Variants in INTS4 observed in about 807,000 individuals in gnomAD.
INTS4 encodes MSTP093.
In INTS4, 70 loss-of-function variants were observed where a neutral mutation model predicts 119.5. The ratio of observed to expected loss-of-function variants is 0.59; its 90% CI spans 0.48 to 0.71. The LOEUF is 0.71. Among genes scored for constraint, INTS4 ranks in the 30% least tolerant of loss-of-function variants. The pLI is 0.00. For missense variants in INTS4, 867 were observed against 1,173.2 expected, an observed-to-expected ratio of 0.74 and a Z score of 3.81; for synonymous variants, 316 against 419.6, an observed-to-expected ratio of 0.75 and a Z score of 3.02.
intron 2 of INTS4, among the ~76,000 whole-genome samples, chr11:77,984,653 C>T (rs766974991): frequency 6.6e-6 from 1 of 151,852 alleles, no homozygotes; most frequent in African/African-American, 2.4e-5. Flanking sequence ...TATGAATGTA[C>T]TTAACACACA....
intron 4 of INTS4, among the ~76,000 whole-genome samples, chr11:77,973,397 T>A (rs1460843612): frequency 6.6e-6 from 1 of 152,188 alleles, no homozygotes; most frequent in Non-Finnish European, 1.5e-5. Flanking sequence ...AGAGGACTTT[T>A]ATTTCTTTTC....
chr11:77,900,617 C>A (rs1473190528), intron 18 of INTS4: 1 of 699,570 alleles, frequency 1.4e-6, no homozygotes, highest in Non-Finnish European at 2.6e-6. Flanking sequence ...CAATGAGTCA[C>A]CTAAGTACTT....
chr11:77,903,209 T>C (rs552022867), intron 17 of INTS4, among the ~76,000 whole-genome samples: 2 of 152,370 alleles, frequency 1.3e-5, no homozygotes, highest in East Asian at 1.9e-4. Context: ...CTCCTAGTTA[T>C]GCTCCTTCTC....
chr11:77,912,147 A>G (rs991776250), intron 15 of INTS4, among the ~76,000 whole-genome samples: 10 of 152,102 alleles, frequency 6.6e-5, no homozygotes, highest in South Asian at 2.1e-4. Flanking sequence ...GGATTGCCTG[A>G]GCTCAGGAGT....
rs112710281 is a variant in INTS4 at position 77,884,911 on chromosome 11, C to T, written c.2593-959G>A. ...TGGGGATTACAGGCACGTGCCACCACGCCAGGTAATTTTCTTTTTAAATTT... is the reference window on the plus strand; with the variant it reads ...TGGGGATTACAGGCACGTGCCACCATGCCAGGTAATTTTCTTTTTAAATTT... On this transcript the variant is annotated intron_variant, in intron 21 of 22. Transcript: ENST00000534064. 7.4e-3 allele frequency: 1,704 copies of T among 231,528 alleles called. 32 individuals are homozygous for T. The highest frequency in any genetic ancestry group is 0.033 in the African/African-American group (1,472 of 44,510). 14.3% of individuals were successfully genotyped at this position (231,528 alleles called of 1,614,324 possible).
intron 4 of INTS4, among the ~76,000 whole-genome samples, chr11:77,973,553 G>A (rs1855816670): frequency 6.8e-6 from 1 of 147,312 alleles, no homozygotes; most frequent in South Asian, 2.2e-4. Flanking sequence ...TGTCAGTTTT[G>A]TTTTTTTTTT....
At chr11:77,964,537 GCA>G (rs1855403616) in intron 4 of INTS4, among the ~76,000 whole-genome samples, 1 of 151,812 alleles carries the variant, frequency 6.6e-6, no homozygotes, top group African/African-American at 2.4e-5. Flanking sequence ...TCGCGCCACT[GCA>G]CTCCAGCCTG....
intron 18 of INTS4, among the ~76,000 whole-genome samples, chr11:77,895,267 A>G (rs1005413321): frequency 3.3e-5 from 5 of 152,080 alleles, no homozygotes; most frequent in African/African-American, 7.2e-5. Context: ...TTAATATATT[A>G]TTCATTGGAG....
chr11:77,905,729 A>C (rs76867152), intron 16 of INTS4, among the ~76,000 whole-genome samples: 8 of 152,238 alleles, frequency 5.3e-5, no homozygotes, highest in African/African-American at 1.4e-4. Flanking sequence ...AATCTCGTCA[A>C]AAGACTTGAG....
intron 18 of INTS4, among the ~76,000 whole-genome samples, chr11:77,896,478 C>T (rs1952523705): frequency 6.6e-6 from 1 of 151,946 alleles, no homozygotes; most frequent in Admixed American, 6.6e-5. Flanking sequence ...CATGGAGAAA[C>T]CCTGTCTCTA....
Position 77,921,434 on chromosome 11 carries a change from G to A in INTS4, c.1670C>T (p.Thr557Ile), listed in dbSNP as rs759743099. The change falls in exon 14 of 23, where the codon ACC becomes ATC. Residue 557 changes from threonine to isoleucine, a missense_variant. Physicochemically the swap from Thr to Ile is moderately conservative, Grantham distance 89. This residue lies in a region of INTS4 where 262 missense variants were observed against 376.0 expected (regional missense o/e 0.70). Coordinates refer to ENST00000534064, the MANE Select transcript of INTS4 (RefSeq NM_033547.4). ...GAACAATGCTGGCATTGTTGGACAG[G>A]TTTTAGCAGCATTGAAAATAAGTAC... ...VLVLIFNAAK[T>I]CPTMPALFSD... 6.2e-7 allele frequency: 1 copy of A among 1,608,096 alleles called. No homozygotes were observed. The highest frequency in any genetic ancestry group is 1.3e-5 in the African/African-American group (1 of 74,756).
intron 3 of INTS4, among the ~76,000 whole-genome samples, chr11:77,979,348 G>A (rs1382622936): frequency 5.3e-5 from 8 of 151,892 alleles, no homozygotes; most frequent in Non-Finnish European, 7.4e-5. Context: ...GGTGGTGTGC[G>A]CCCAGAGTCT....
chr11:77,920,196 CATATATAT>C, intron 14 of INTS4, among the ~76,000 whole-genome samples: 1 of 147,416 alleles, frequency 6.8e-6, no homozygotes, highest in East Asian at 1.9e-4. Context: ...CATATATATA[CATATATAT>C]ACACACATAT....
intron 9 of INTS4, among the ~76,000 whole-genome samples, chr11:77,939,650 T>C (rs528469690): frequency 4.8e-4 from 73 of 152,000 alleles, no homozygotes; most frequent in Non-Finnish European, 8.1e-4. Context: ...CTCCGTTTTA[T>C]ATATCAGCCT....
chr11:77,957,819 C>T (rs2136574531), intron 7 of INTS4, among the ~76,000 whole-genome samples: 1 of 151,780 alleles, frequency 6.6e-6, no homozygotes, highest in Non-Finnish European at 1.5e-5. Flanking sequence ...CAGGCGTGTG[C>T]CACCATGTCC....
At chr11:77,948,996 T>A (rs1428454150) in intron 8 of INTS4, among the ~76,000 whole-genome samples, 1 of 152,192 alleles carries the variant, frequency 6.6e-6, no homozygotes, top group Admixed American at 6.5e-5. Flanking sequence ...TTAGTTTTTT[T>A]TAGCGACAGT....
intron 4 of INTS4, among the ~76,000 whole-genome samples, chr11:77,964,080 G>C (rs910679097): frequency 6.6e-6 from 1 of 152,174 alleles, no homozygotes; most frequent in East Asian, 1.9e-4. Flanking sequence ...CAGTTGTGCA[G>C]ATGCTACACA....
downstream of INTS4, among the ~76,000 whole-genome samples, chr11:77,878,242 G>A (rs898013943): frequency 6.6e-6 from 1 of 151,888 alleles, no homozygotes; most frequent in South Asian, 2.1e-4. Context: ...GGCGCCTGTA[G>A]TCCCACCTAC....
chr11:77,914,521 T>C (rs1342724706), intron 15 of INTS4, among the ~76,000 whole-genome samples: 1 of 152,160 alleles, frequency 6.6e-6, no homozygotes, highest in Non-Finnish European at 1.5e-5. Context: ...ACAAGAGGTA[T>C]AGAAAGGACT....
Sources: allele counts gnomAD v4.1 joint callset (sites outside exome capture counted in the v4.1 genomes callset), GRCh38; gene constraint gnomAD v4.1.1; regional missense constraint gnomAD v4.1.1; transcripts MANE v1.5; gene names NCBI Gene and HGNC (gene_info 2026-07-23, HGNC 2026-07-21).